Variants in WDR53 observed in about 807,000 individuals in gnomAD.
The protein encoded by WDR53 is WD repeat-containing protein 53.
In WDR53, 19 loss-of-function variants were observed where a neutral mutation model predicts 21.3. That is an observed-to-expected ratio of 0.89 (90% CI 0.62 to 1.31). The LOEUF is 1.31. WDR53 is among the 50% of genes most tolerant of loss of function. The pLI is 0.00. For synonymous variants in WDR53, 157 were observed against 163.4 expected (o/e 0.96, Z 0.30); for missense variants, 374 against 423.2 (o/e 0.88, Z 1.02).
chr3:196,568,270 G>C (rs1239721957), intron 1 of WDR53, among the ~76,000 whole-genome samples: 3 of 152,168 alleles, frequency 2.0e-5, no homozygotes, highest in African/African-American at 7.2e-5. Flanking sequence ...ACCAGGTAAA[G>C]ACGGCCTCCG....
chr3:196,564,157 T>C (rs760286116), intron 2 of WDR53, among the ~76,000 whole-genome samples: 1 of 152,058 alleles, frequency 6.6e-6, no homozygotes, highest in Non-Finnish European at 1.5e-5. Flanking sequence ...TGGTTTGATT[T>C]TTGCTGACAA....
At position 196,561,083 on chromosome 3, in the gene WDR53, G is replaced by A; in HGVS notation, c.393C>T (p.Ser131=). ...AGCAGATATTGGAATGTCTCTTCAA[G>A]GATCTGATAACTTTCTTGTTTTCCA... ...LDLENKKVIR[S]LKRHSNICSS... The change falls in exon 3 of 4, where the codon TCC becomes TCT. Residue 131 remains serine, a synonymous_variant. Transcript: ENST00000332629. 1 of 1,614,240 alleles carries A rather than the reference G, an allele frequency of 6.2e-7. No individual in the cohort carries two copies. The highest frequency in any genetic ancestry group is 8.5e-7 in the Non-Finnish European group (1 of 1,180,044).
intron 3 of WDR53, among the ~76,000 whole-genome samples, chr3:196,560,763 G>C (rs1734755166): frequency 6.6e-6 from 1 of 152,200 alleles, no homozygotes; most frequent in South Asian, 2.1e-4. Context: ...CAGGTTTTAG[G>C]AGTATCTTAC....
chr3:196,564,497 C>G (rs1287448515), intron 2 of WDR53, among the ~76,000 whole-genome samples: 1 of 148,716 alleles, frequency 6.7e-6, no homozygotes, highest in African/African-American at 2.5e-5. Context: ...GTAGCTGGAA[C>G]TACAGGCTCT....
At chr3:196,565,289 G>C (rs1735271327) in intron 2 of WDR53, among the ~76,000 whole-genome samples, 1 of 151,738 alleles carries the variant, frequency 6.6e-6, no homozygotes, top group Non-Finnish European at 1.5e-5. Flanking sequence ...CAGGGGCCAG[G>C]GGAGGCTGGG....
At position 196,554,199 on chromosome 3, in the gene WDR53, T is replaced by C; in HGVS notation, c.*12A>G. ...CAGTTTTGCCACAATTCTTCAAATG[T>C]TTTTATTGGATTTAAAATTCATTTA... On this transcript the variant is annotated 3_prime_UTR_variant, in exon 4 of 4. Transcript: ENST00000332629. 6.5e-7 allele frequency: 1 copy of C among 1,528,304 alleles called. No individual in the cohort carries two copies. Among genetic ancestry groups the C allele is most frequent in the South Asian group, 1.2e-5 (1 of 80,872 alleles). 94.7% of individuals were successfully genotyped at this position (1,528,304 alleles called of 1,614,324 possible). A position where few individuals can be genotyped will look rare whatever the true frequency, so the allele number is the denominator to read the frequency against.
intron 2 of WDR53, among the ~76,000 whole-genome samples, chr3:196,564,395 C>CTTCTT (rs140247486): frequency 0.017 from 2,329 of 135,840 alleles, 56 homozygotes; most frequent in Non-Finnish European, 0.025. Context: ...TTTCTTTTTT[C>CTTCTT]TTTTTTTTTT....
At chr3:196,555,333 C>T in intron 3 of WDR53, among the ~76,000 whole-genome samples, 1 of 152,214 alleles carries the variant, frequency 6.6e-6, no homozygotes, top group East Asian at 1.9e-4. Context: ...CAGCCCGCTT[C>T]TCCTTCCTGT....
chr3:196,566,768 A>G, intron 2 of WDR53, 109 bp downstream of exon 2: 1 of 154,144 alleles, frequency 6.5e-6, no homozygotes, highest in Non-Finnish European at 1.4e-5. Context: ...CATCAGCCAG[A>G]GCGCAGAATG....
intron 3 of WDR53, among the ~76,000 whole-genome samples, 198 bp from the exon 4 acceptor site, chr3:196,555,005 G>A (rs1478159474): frequency 1.3e-5 from 2 of 152,188 alleles, no homozygotes; most frequent in Non-Finnish European, 2.9e-5. Flanking sequence ...AAACTAGAGT[G>A]CGGTTAGGTA....
rs1211148680 is a variant in WDR53, at chr3:196,561,620, A to AC, written c.-16-130_-16-129insG. On this transcript the variant is annotated intron_variant, in intron 2 of 3. Coordinates refer to ENST00000332629, the MANE Select transcript of WDR53 (RefSeq NM_182627.3). The stretch of plus-strand genomic sequence containing the variant: ...AATACATCTTAAAAAAACTCAATTA[A>AC]TTAAAAAAAAAAAAGACACTTAAAG... The AC allele has an allele frequency of 1.6e-5, 15 of 957,604 alleles. No individual in the cohort carries two copies. The African/African-American group carries it at 2.6e-4, about 17-fold the overall frequency. 59.3% of individuals were successfully genotyped at this position (957,604 alleles called of 1,614,324 possible).
rs181079293 is a variant in WDR53 at position 196,566,444 on chromosome 3, G to T, written c.-17+433C>A. Reference sequence around the variant, plus strand: ...TTTTTTTTTTTTGAGACAGAGTTTCGCTCTCGTCGCCCAGGCTGGAGTGCA... The same window carrying T: ...TTTTTTTTTTTTGAGACAGAGTTTCTCTCTCGTCGCCCAGGCTGGAGTGCA... On this transcript the variant is annotated intron_variant, in intron 2 of 3. Transcript: ENST00000332629. Among the ~76,000 whole-genome samples, 182 of 146,420 alleles carry T rather than the reference G, an allele frequency of 1.2e-3. 1 individual carries two copies. The highest frequency in any genetic ancestry group is 4.4e-3 in the African/African-American group (174 of 39,212).
chr3:196,561,468 A>G lies in WDR53; in HGVS notation c.8T>C (p.Val3Ala). 6.2e-7 allele frequency: 1 copy of G among 1,612,196 alleles called. No homozygotes were observed. Among genetic ancestry groups the G allele is most frequent in the Non-Finnish European group, 8.5e-7 (1 of 1,179,180 alleles). Residue 3 changes from valine to alanine, a missense_variant, in exon 3 of 4, where the codon GTC (valine) becomes GCC (alanine). By Grantham distance (64) the Val-to-Ala change is moderately conservative (BLOSUM62 0). Coordinates refer to ENST00000332629, the MANE Select transcript of WDR53 (RefSeq NM_182627.3). ...AGAAGAATGCCCACCCGTCCACTTG[A>G]CTGCCATAATGGTCCCGGAGACTCT... MA[V>A]KWTGGHSSPV...
At chr3:196,566,121 CCT>C (rs1210260777) in intron 2 of WDR53, among the ~76,000 whole-genome samples, 1 of 151,956 alleles carries the variant, frequency 6.6e-6, no homozygotes, top group African/African-American at 2.4e-5. Context: ...ACAGTATCTC[CCT>C]CTGTTACCCA....
chr3:196,560,246 T>C (rs1047668300), intron 3 of WDR53, among the ~76,000 whole-genome samples: 1 of 118,958 alleles, frequency 8.4e-6, no homozygotes, highest in Non-Finnish European at 1.8e-5. Flanking sequence ...CTTTCTTTTT[T>C]CTTTTTTTTT....
At position 196,554,781 on chromosome 3, in the gene WDR53, G is replaced by A; in HGVS notation, c.507C>T (p.Ala169=). 2 of 1,613,844 alleles carry A rather than the reference G, an allele frequency of 1.2e-6. No homozygotes were observed. Among genetic ancestry groups the A allele is most frequent in the Non-Finnish European group, 1.7e-6 (2 of 1,179,948 alleles). The change falls in exon 4 of 4, where the codon GCC becomes GCT. Residue 169 remains alanine, a synonymous_variant. Transcript: ENST00000332629. ...GTAAATTTGTAATCCAGAGTGGTCG[G>A]GCTTTTTGAAGACTCCACAGCATCA... The part of the protein sequence containing the change: ...MQVMLWSLQK[A]RPLWITNLQE...
intron 2 of WDR53, among the ~76,000 whole-genome samples, chr3:196,561,861 A>G (rs1449238809): frequency 2.0e-5 from 3 of 152,194 alleles, no homozygotes; most frequent in African/African-American, 4.8e-5. Flanking sequence ...TATCTGAATA[A>G]TGTTTTAGAT....
At chr3:196,554,933 G>T in intron 3 of WDR53, 126 bp from the exon 4 acceptor site, 1 of 750,036 alleles carries the variant, frequency 1.3e-6, no homozygotes, top group Non-Finnish European at 2.2e-6. Flanking sequence ...CACGTTCTCA[G>T]CAGTATTAAA....
chr3:196,556,361 A>C (rs78436164), intron 3 of WDR53, among the ~76,000 whole-genome samples: 7,580 of 152,158 alleles, frequency 0.05, 606 homozygotes, highest in African/African-American at 0.17. Flanking sequence ...GTTTCTATTA[A>C]AAAATCTGAA....
Sources: allele counts gnomAD v4.1 joint callset (sites outside exome capture counted in the v4.1 genomes callset), GRCh38; gene constraint gnomAD v4.1.1; transcripts MANE v1.5; gene names NCBI Gene and HGNC (gene_info 2026-07-23, HGNC 2026-07-21).